Variants in CEP170B observed in about 807,000 individuals in gnomAD.
CEP170B encodes the protein centrosomal protein of 170 kDa protein B.
In CEP170B, 55 loss-of-function variants were observed where a neutral mutation model predicts 120.6. The ratio of observed to expected loss-of-function variants is 0.46; its 90% CI spans 0.37 to 0.57. The LOEUF is 0.57. Among genes scored for constraint, CEP170B ranks in the 20% least tolerant of loss-of-function variants. CEP170B has a pLI of 0.00. For synonymous variants in CEP170B, 1,033 were observed against 954.5 expected, an observed-to-expected ratio of 1.08 and a Z score of -1.52; for missense variants, 2,212 against 2,253.3, an observed-to-expected ratio of 0.98 and a Z score of 0.37.
At position 104,872,096 on chromosome 14, in the gene CEP170B, C is replaced by A. The variant is rs568365883; in HGVS notation, c.105+3541C>A. Among the ~76,000 whole-genome samples the A allele has an allele frequency of 2.6e-5, 4 of 152,208 alleles. No homozygotes were observed. In the East Asian group the frequency reaches 7.7e-4, roughly 29 times the overall value. ...GCTGTCACTCCTGTGGTGGCCCAGG[C>A]TGTGGTCCAGGGTGTGCGTGTGTGC... On this transcript the variant is annotated intron_variant, in intron 2 of 18. Transcript: ENST00000414716.
Position 104,876,290 on chromosome 14 carries a change from A to G in CEP170B, c.140A>G (p.Asn47Ser). ...GTGGACAAGCAGCATGCCGTCATCAACTACGACCAGGACAGGGACGAGCAC... is the reference window on the plus strand; with the variant it reads ...GTGGACAAGCAGCATGCCGTCATCAGCTACGACCAGGACAGGGACGAGCAC... ...RSVDKQHAVI[N>S]YDQDRDEHWV... The change falls in exon 3 of 19, where the codon AAC (asparagine) becomes AGC (serine). Residue 47 changes from asparagine (N) to serine (S), a missense_variant. Around this residue, in one of 2 missense-constraint regions of CEP170B, gnomAD observed 46 missense variants for 86.6 expected, o/e 0.53. Coordinates refer to ENST00000414716, the MANE Select transcript of CEP170B (RefSeq NM_001112726.3). 5 of 1,550,884 alleles carry G rather than the reference A, an allele frequency of 3.2e-6. No individual in the cohort carries two copies. The highest frequency in any genetic ancestry group is 2.4e-5 in the South Asian group (2 of 84,048).
chr14:104,883,296 A>G lies in CEP170B; in HGVS notation c.839A>G (p.Lys280Arg). ...TIEFDDCSPGKMKIKDHITKF... is the reference protein window; with the variant it reads ...TIEFDDCSPGRMKIKDHITKF... ...GAGTTTGATGACTGCAGCCCTGGCA[A>G]GATGAAGATCAAGGACCATATCACC... The change falls in exon 8 of 19, where the codon AAG (lysine) becomes AGG (arginine). Residue 280 changes from lysine (K) to arginine (R), a missense_variant. This residue lies in a region of CEP170B where 2,166 missense variants were observed against 2,166.7 expected (regional missense o/e 1.00). Transcript: ENST00000414716. 2 of 1,612,110 alleles carry G rather than the reference A, an allele frequency of 1.2e-6. No homozygotes were observed. The highest frequency in any genetic ancestry group is 1.7e-6 in the Non-Finnish European group (2 of 1,179,720).
chr14:104,866,154 G>A (rs1387980668), intron 1 of CEP170B, among the ~76,000 whole-genome samples: 1 of 152,150 alleles, frequency 6.6e-6, no homozygotes, highest in Admixed American at 6.5e-5. Context: ...CCCCGAGGCA[G>A]CCGAAGGCCG....
chr14:104,875,331 G>A lies in CEP170B; in HGVS notation c.106-925G>A, dbSNP rs74516882. Among the ~76,000 whole-genome samples the A allele has an allele frequency of 2.6e-4, 39 of 152,350 alleles. 1 individual carries two copies. The East Asian group carries it at 7.3e-3, about 29-fold the overall frequency. ...GGTGTGCTGCCTGGATGGTCCCTAG[G>A]TGGTGGCGAGGGTCACACGCTGTCT... On this transcript the variant is annotated intron_variant, in intron 2 of 18. Coordinates refer to ENST00000414716, the MANE Select transcript of CEP170B (RefSeq NM_001112726.3).
Position 104,886,085 on chromosome 14 carries a change from C to CG in CEP170B, c.1991dup (p.Trp665LeufsTer6). 1 of 1,546,906 alleles carries CG rather than the reference C, an allele frequency of 6.5e-7. No homozygotes were observed. Among genetic ancestry groups the CG allele is most frequent in the Non-Finnish European group, 8.7e-7 (1 of 1,145,678 alleles). On this transcript the variant is annotated frameshift_variant, in exon 11 of 19. Transcript: ENST00000414716. LOFTEE classifies it high-confidence loss of function. ...CCCTGGGGGTCAGAAGTGGGTGTCC[C>CG]GCTGGGCCAGCCTGGCTGACAGCTA...
chr14:104,885,918 T>A (rs2251389), intron 10 of CEP170B, 122 bp from the exon 11 acceptor site: 626,130 of 864,864 alleles, frequency 0.72, 234,950 homozygotes, highest in Middle Eastern at 0.83. Flanking sequence ...CGGCAGGCCC[T>A]GGGTGGCGCG....
At position 104,893,634 on chromosome 14, in the gene CEP170B, G is replaced by T; in HGVS notation, c.4150G>T (p.Ala1384Ser). Residue 1384 changes from alanine (A) to serine (S), a missense_variant, in exon 15 of 19, where the codon GCC becomes TCC. Ala to Ser is a moderately conservative substitution (Grantham distance 99, BLOSUM62 1). Around this residue, in one of 2 missense-constraint regions of CEP170B, gnomAD observed 2,166 missense variants for 2,166.7 expected, o/e 1.00. Transcript: ENST00000414716. ...NMNDSCEDAL[A>S]NKTRPRNREE... ...GAACGACAGCTGTGAGGACGCCCTG[G>T]CCAACAAGACGCGGCCTCGGAACCG... 6.3e-7 allele frequency: 1 copy of T among 1,595,684 alleles called. No individual in the cohort carries two copies. Among genetic ancestry groups the T allele is most frequent in the Non-Finnish European group, 8.5e-7 (1 of 1,172,332 alleles).
intron 13 of CEP170B, among the ~76,000 whole-genome samples, chr14:104,892,758 G>A (rs1242534492): frequency 6.6e-6 from 1 of 152,238 alleles, no homozygotes; most frequent in Non-Finnish European, 1.5e-5. Context: ...ATCCCTCCTT[G>A]TGGCTGTGGG....
Position 104,894,986 on chromosome 14 carries a change from C to A in CEP170B, c.*28C>A. 1.3e-6 allele frequency: 2 copies of A among 1,516,738 alleles called. No individual in the cohort carries two copies. The highest frequency in any genetic ancestry group is 1.4e-5 in the African/African-American group (1 of 72,574). 94.0% of individuals were successfully genotyped at this position (1,516,738 alleles called of 1,614,324 possible). ...CCCAGACCTGGCCAGGCCAGCCTCC[C>A]TGTGCGTGTGCGTCTCTGCCTTCCG... On this transcript the variant is annotated 3_prime_UTR_variant, in exon 19 of 19. Transcript: ENST00000414716.
intron 13 of CEP170B, among the ~76,000 whole-genome samples, chr14:104,892,293 G>C (rs1165057731): frequency 6.6e-6 from 1 of 152,154 alleles, no homozygotes; most frequent in Non-Finnish European, 1.5e-5. Flanking sequence ...CCCTGTCCTC[G>C]CTGGGAAGTG....
At chr14:104,875,768 C>T (rs925168276) in intron 2 of CEP170B, among the ~76,000 whole-genome samples, 9 of 152,090 alleles carry the variant, frequency 5.9e-5, no homozygotes, top group African/African-American at 2.2e-4. Context: ...ACCTGTCCTC[C>T]GGGGGGGTGG....
chr14:104,887,606 G>A lies in CEP170B; in HGVS notation c.3367G>A (p.Ala1123Thr), dbSNP rs1019712982. 1.9e-6 allele frequency: 3 copies of A among 1,583,330 alleles called. No individual in the cohort carries two copies. Among genetic ancestry groups the A allele is most frequent in the Middle Eastern group, 3.4e-4 (2 of 5,926 alleles). The change falls in exon 12 of 19, where the codon GCC (alanine) becomes ACC (threonine). Residue 1123 changes from alanine (A) to threonine (T), a missense_variant. By Grantham distance (58) the Ala-to-Thr change is moderately conservative (BLOSUM62 0). Transcript: ENST00000414716. ...NSLSTPRPTR[A>T]SRLRRARLGD... ...CCTGTCCACCCCTCGCCCCACACGG[G>A]CCTCCCGGCTGAGGCGGGCCCGGCT... is the stretch of plus-strand genomic sequence containing the variant.
At chr14:104,879,281 C>T (rs954014501) in intron 5 of CEP170B, among the ~76,000 whole-genome samples, 2 of 151,958 alleles carry the variant, frequency 1.3e-5, no homozygotes. Context: ...GAGGATTTGG[C>T]GTTCCTCTGG....
At chr14:104,888,208 A>G (rs2582545) in intron 12 of CEP170B, among the ~76,000 whole-genome samples, 103,443 of 152,206 alleles carry the variant, frequency 0.68, 36,425 homozygotes, top group Middle Eastern at 0.87. Flanking sequence ...CACCCTGACC[A>G]TCTCTGGCGT....
In CEP170B at chr14:104,886,124, C is replaced by A; in HGVS notation, c.2029C>A (p.Leu677Ile). 1 of 1,539,632 alleles carries A rather than the reference C, an allele frequency of 6.5e-7. No individual in the cohort carries two copies. Reference protein sequence around the residue: ...SLADSYSDPGLTEDGLGRRGG... With the variant: ...SLADSYSDPGITEDGLGRRGG... ...GGCTGACAGCTACTCAGACCCGGGC[C>A]TCACAGGTAAGTGGCTCCAGTGCTG... Residue 677 changes from leucine to isoleucine, a missense_variant, in exon 11 of 19, where the codon CTC (leucine) becomes ATC (isoleucine). Physicochemically the swap from Leu to Ile is conservative, Grantham distance 5. This residue lies in a region of CEP170B where 2,166 missense variants were observed against 2,166.7 expected (regional missense o/e 1.00). Coordinates refer to ENST00000414716, the MANE Select transcript of CEP170B (RefSeq NM_001112726.3).
Position 104,893,683 on chromosome 14 carries a change from C to A in CEP170B, c.4182+17C>A, listed in dbSNP as rs888263073. 3.8e-6 allele frequency: 6 copies of A among 1,582,918 alleles called. No homozygotes were observed. The highest frequency in any genetic ancestry group is 4.3e-6 in the Non-Finnish European group (5 of 1,165,888). ...CGAGAGGAGGCACGGTGCCCACTAC[C>A]GCCACGGAGCTGGGTGTGGGGGGAG... is the stretch of plus-strand genomic sequence containing the variant. On this transcript the variant is annotated intron_variant, in intron 15 of 18. Coordinates refer to ENST00000414716, the MANE Select transcript of CEP170B (RefSeq NM_001112726.3).
chr14:104,887,216 C>A lies in CEP170B; in HGVS notation c.2977C>A (p.Gln993Lys). The A allele has an allele frequency of 6.2e-7, 1 of 1,605,930 alleles. No individual in the cohort carries two copies. The highest frequency in any genetic ancestry group is 8.5e-7 in the Non-Finnish European group (1 of 1,179,660). Residue 993 changes from glutamine (Q) to lysine (K), a missense_variant, in exon 12 of 19, where the codon CAG becomes AAG. Around this residue, in one of 2 missense-constraint regions of CEP170B, gnomAD observed 2,166 missense variants for 2,166.7 expected, o/e 1.00. Coordinates refer to ENST00000414716, the MANE Select transcript of CEP170B (RefSeq NM_001112726.3). ...GATGTCGCCATCCCCGCCAGCTGCACAGGACCCGGGAGGCACCGCCCTGGT... is the reference window on the plus strand; with the variant it reads ...GATGTCGCCATCCCCGCCAGCTGCAAAGGACCCGGGAGGCACCGCCCTGGT... ...KEMSPSPPAA[Q>K]DPGGTALVSA...
In CEP170B at chr14:104,894,986, C is replaced by T. The variant is rs1359934301; in HGVS notation, c.*28C>T. On this transcript the variant is annotated 3_prime_UTR_variant, in exon 19 of 19. Coordinates refer to ENST00000414716, the MANE Select transcript of CEP170B (RefSeq NM_001112726.3). ...CCCAGACCTGGCCAGGCCAGCCTCC[C>T]TGTGCGTGTGCGTCTCTGCCTTCCG... The T allele has an allele frequency of 7.3e-6, 11 of 1,516,620 alleles. No individual in the cohort carries two copies. Among genetic ancestry groups the T allele is most frequent in the Non-Finnish European group, 8.9e-6 (10 of 1,127,788 alleles). The allele number at this position is 1,516,620 out of a possible 1,614,324, so 93.9% of individuals were successfully genotyped here. A position where few individuals can be genotyped will look rare whatever the true frequency, so the allele number is the denominator to read the frequency against.
chr14:104,895,255 C>T lies in CEP170B; in HGVS notation c.*297C>T. On this transcript the variant is annotated 3_prime_UTR_variant, in exon 19 of 19. Coordinates refer to ENST00000414716, the MANE Select transcript of CEP170B (RefSeq NM_001112726.3). ...AGCCCTCAAGGGCATTACCCCGCCT[C>T]CTCTTCATCACTGTTATTTTTGTCT... The T allele has an allele frequency of 2.5e-6, 1 of 406,674 alleles. No individual in the cohort carries two copies. Among genetic ancestry groups the T allele is most frequent in the Non-Finnish European group, 4.4e-6 (1 of 229,764 alleles). 25.2% of individuals were successfully genotyped at this position (406,674 alleles called of 1,614,324 possible).
Sources: allele counts gnomAD v4.1 joint callset (sites outside exome capture counted in the v4.1 genomes callset), GRCh38; gene constraint gnomAD v4.1.1; regional missense constraint gnomAD v4.1.1; transcripts MANE v1.5; gene names NCBI Gene and HGNC (gene_info 2026-07-23, HGNC 2026-07-21).